GAS7: variants seen among roughly 807,000 people sequenced by gnomAD.
GAS7 encodes the protein growth arrest specific 7.
GAS7 carries 28 observed loss-of-function variants against 71.1 expected under a neutral mutation model. That is an observed-to-expected ratio of 0.39 (90% CI 0.29 to 0.54). The LOEUF is 0.54. Ranked by LOEUF, GAS7 falls within the 20% of genes least tolerant of loss-of-function variation. The probability of loss-of-function intolerance (pLI) is 0.62; values close to 1 mark genes in which losing one functional copy is unlikely to be tolerated. For synonymous variants in GAS7, 258 were observed against 245.8 expected (o/e 1.05, Z -0.46); for missense variants, 436 against 627.8 (o/e 0.69, Z 3.27).
At chr17:9,983,633 C>A (rs1477093908) in intron 2 of GAS7, among the ~76,000 whole-genome samples, 1 of 151,674 alleles carries the variant, frequency 6.6e-6, no homozygotes, top group Non-Finnish European at 1.5e-5. Context: ...CTAAAAATAA[C>A]AAAAATTAGC....
chr17:9,938,287 G>C (rs1567796642), intron 8 of GAS7, among the ~76,000 whole-genome samples: 2 of 151,792 alleles, frequency 1.3e-5, no homozygotes, highest in Non-Finnish European at 1.5e-5. Flanking sequence ...AGGGTGGACT[G>C]CTTGAGTTCA....
chr17:9,987,039 C>A (rs2070675854), intron 2 of GAS7, among the ~76,000 whole-genome samples: 1 of 152,232 alleles, frequency 6.6e-6, no homozygotes, highest in African/African-American at 2.4e-5. Flanking sequence ...ATTCCCTAAT[C>A]TGCTTACAAC....
chr17:10,010,417 G>A (rs1013260774), intron 2 of GAS7, among the ~76,000 whole-genome samples: 2 of 152,166 alleles, frequency 1.3e-5, no homozygotes, highest in African/African-American at 4.8e-5. Flanking sequence ...CTCCCAAAGT[G>A]CTGGGTTTAC....
intron 1 of GAS7, among the ~76,000 whole-genome samples, chr17:10,114,176 C>A (rs1003390219): frequency 4.6e-5 from 7 of 152,206 alleles, no homozygotes; most frequent in Admixed American, 4.6e-4. Context: ...AATCCTCCTG[C>A]CTCAGCCTCT....
At chr17:9,936,366 G>A (rs2068401964) in intron 8 of GAS7, among the ~76,000 whole-genome samples, 1 of 152,200 alleles carries the variant, frequency 6.6e-6, no homozygotes, top group Admixed American at 6.5e-5. Context: ...TTTCCACAGA[G>A]CTGTCAGTCT....
intron 1 of GAS7, among the ~76,000 whole-genome samples, chr17:10,181,652 T>A (rs1168170878): frequency 6.6e-6 from 1 of 152,100 alleles, no homozygotes; most frequent in Non-Finnish European, 1.5e-5. Flanking sequence ...CATGGTATAT[T>A]GTAAAGGCAA....
intron 2 of GAS7, among the ~76,000 whole-genome samples, chr17:10,009,408 T>C (rs2071671436): frequency 6.6e-6 from 1 of 150,838 alleles, no homozygotes; most frequent in Non-Finnish European, 1.5e-5. Context: ...GGGAATCCAC[T>C]CATTTAAAGA....
intron 1 of GAS7, among the ~76,000 whole-genome samples, chr17:10,022,461 G>C (rs1326215311): frequency 6.6e-6 from 1 of 152,140 alleles, no homozygotes; most frequent in Non-Finnish European, 1.5e-5. Context: ...GTCAGAAAAG[G>C]GGTGCAGGAG....
chr17:10,137,256 AT>A (rs1364566274), intron 1 of GAS7, among the ~76,000 whole-genome samples: 2 of 152,076 alleles, frequency 1.3e-5, no homozygotes, highest in East Asian at 3.9e-4. Flanking sequence ...TCTTCCCCAG[AT>A]TTCCATATGG....
At chr17:10,112,856 AAAAAAG>A (rs1034949966) in intron 1 of GAS7, among the ~76,000 whole-genome samples, 34 of 152,238 alleles carry the variant, frequency 2.2e-4, no homozygotes, top group Admixed American at 2.0e-3. Flanking sequence ...AAAGAAAAGA[AAAAAAG>A]AAAAAGAAAA....
chr17:9,966,980 C>A (rs2069740970), intron 4 of GAS7, among the ~76,000 whole-genome samples: 1 of 152,134 alleles, frequency 6.6e-6, no homozygotes. Flanking sequence ...GACTGGTGAA[C>A]AACGCACGTT....
intron 1 of GAS7, among the ~76,000 whole-genome samples, chr17:10,145,936 AG>A (rs1237406049): frequency 1.3e-5 from 2 of 152,208 alleles, no homozygotes; most frequent in Non-Finnish European, 2.9e-5. Context: ...TCCCAAAGCC[AG>A]GATCTTCGTG....
At chr17:9,945,316 A>G (rs1466278885) in intron 6 of GAS7, among the ~76,000 whole-genome samples, 1 of 150,726 alleles carries the variant, frequency 6.6e-6, no homozygotes, top group Non-Finnish European at 1.5e-5. Flanking sequence ...GAATCAGATC[A>G]CATCATATTG....
At chr17:10,006,316 C>CTT (rs1168698479) in intron 2 of GAS7, among the ~76,000 whole-genome samples, 2,487 of 65,634 alleles carry the variant, frequency 0.038, 482 homozygotes, top group Non-Finnish European at 0.054. Context: ...GCCCCAGATT[C>CTT]TTTTTTTTTT....
At chr17:10,088,118 G>T (rs559159604) in intron 1 of GAS7, among the ~76,000 whole-genome samples, 8 of 151,868 alleles carry the variant, frequency 5.3e-5, no homozygotes, top group Non-Finnish European at 8.8e-5. Flanking sequence ...CTACTCGGGA[G>T]GCTGAGGAAG....
At chr17:10,045,908 C>A (rs1418675702) in intron 1 of GAS7, among the ~76,000 whole-genome samples, 2 of 152,192 alleles carry the variant, frequency 1.3e-5, no homozygotes, top group Non-Finnish European at 2.9e-5. Flanking sequence ...TTATATCCCA[C>A]TGAAATGTAG....
Position 10,198,431 on chromosome 17 carries a change from C to G in GAS7, c.-41G>C. On this transcript the variant is annotated 5_prime_UTR_variant, in exon 1 of 14. Transcript: ENST00000432992. ...GTTCACAGCGCAGCCTGCATTCCCG[C>G]CGAGCCCCACGGGCTGGGCAGCGGC... 1 of 1,436,098 alleles carries G rather than the reference C, an allele frequency of 7.0e-7. No individual in the cohort carries two copies. Among genetic ancestry groups the G allele is most frequent in the East Asian group, 2.8e-5 (1 of 35,466 alleles). 89.0% of individuals were successfully genotyped at this position (1,436,098 alleles called of 1,614,324 possible).
intron 1 of GAS7, among the ~76,000 whole-genome samples, chr17:10,086,597 T>C (rs371317911): frequency 3.9e-5 from 6 of 152,142 alleles, no homozygotes; most frequent in South Asian, 2.1e-4. Flanking sequence ...GGGAAGAAAT[T>C]GGGGTTGTAC....
chr17:10,165,291 C>CAA (rs71365731), intron 1 of GAS7, among the ~76,000 whole-genome samples: 5,009 of 77,308 alleles, frequency 0.065, 380 homozygotes, highest in East Asian at 0.38. Context: ...GATTCCTTCT[C>CAA]AAAAAAAAAA....
Sources: gnomAD v4.1 joint callset for allele counts (sites outside exome capture counted in the v4.1 genomes callset) on GRCh38, gnomAD v4.1.1 for gene constraint, MANE v1.5 for transcripts, NCBI Gene and HGNC (gene_info 2026-07-23, HGNC 2026-07-21) for gene names.